Variants in FOXP1 observed in about 807,000 individuals in gnomAD.
The protein encoded by FOXP1 is forkhead box P1, also known as forkhead box protein P1.
A neutral mutation model predicts 98.2 loss-of-function variants in FOXP1; 15 were observed. The observed-to-expected ratio is 0.15, with a 90% CI of 0.10 to 0.24. FOXP1 has a LOEUF of 0.24. Among genes scored for constraint, FOXP1 ranks in the 10% least tolerant of loss-of-function variants. The pLI, the probability that FOXP1 is intolerant of heterozygous loss-of-function variation, is 1.00. For missense variants in FOXP1, 633 were observed against 848.5 expected, an observed-to-expected ratio of 0.75 and a Z score of 3.15; for synonymous variants, 371 against 314.5, an observed-to-expected ratio of 1.18 and a Z score of -1.90.
Position 71,580,928 on chromosome 3 carries a change from CT to C in FOXP1, c.-298+620del, listed in dbSNP as rs1386418742. The C allele has an allele frequency of 3.0e-6, 3 of 985,290 alleles. No homozygotes were observed. In the African/African-American group the frequency reaches 5.2e-5, roughly 17 times the overall value. The allele number at this position is 985,290 out of a possible 1,614,324, so 61.0% of individuals were successfully genotyped here. On this transcript the variant is annotated intron_variant, in intron 2 of 20. Coordinates refer to ENST00000649528, the MANE Select transcript of FOXP1 (RefSeq NM_001349338.3). ...GCAGTGACAAAAAAGAAAATGCTAA[CT>C]TGGAAAATACCTGTGAGCAGACATG... is the stretch of plus-strand genomic sequence containing the variant.
chr3:71,127,099 A>G (rs547188496), intron 6 of FOXP1, among the ~76,000 whole-genome samples: 16 of 152,244 alleles, frequency 1.1e-4, no homozygotes, highest in Admixed American at 9.8e-4. Context: ...CCTACTGTGG[A>G]GTTTTCTGGA....
At chr3:71,243,607 CA>C in intron 5 of FOXP1, among the ~76,000 whole-genome samples, 1 of 152,286 alleles carries the variant, frequency 6.6e-6, no homozygotes, top group Non-Finnish European at 1.5e-5. Context: ...ATCTATAAGC[CA>C]AAGAACTATT....
At chr3:71,153,149 C>T (rs370263679) in intron 6 of FOXP1, among the ~76,000 whole-genome samples, 73 of 152,268 alleles carry the variant, frequency 4.8e-4, no homozygotes, top group African/African-American at 1.6e-3. Context: ...GAGGGGTACC[C>T]GGCAATTGTG....
chr3:71,339,501 C>T (rs543445690), intron 4 of FOXP1, among the ~76,000 whole-genome samples: 1 of 152,344 alleles, frequency 6.6e-6, no homozygotes, highest in East Asian at 1.9e-4. Flanking sequence ...TTCAGCGTAT[C>T]AGTGTCTCAC....
intron 3 of FOXP1, among the ~76,000 whole-genome samples, chr3:71,367,552 T>G (rs1475238980): frequency 6.6e-6 from 1 of 152,110 alleles, no homozygotes; most frequent in East Asian, 1.9e-4. Context: ...TATCGAAGAT[T>G]AGATGAAGAT....
At chr3:71,177,714 A>G (rs1442900822) in intron 6 of FOXP1, among the ~76,000 whole-genome samples, 2 of 152,210 alleles carry the variant, frequency 1.3e-5, no homozygotes, top group African/African-American at 2.4e-5. Flanking sequence ...CTGTACTAAC[A>G]CAGGTACAGT....
intron 13 of FOXP1, among the ~76,000 whole-genome samples, chr3:70,991,270 G>A (rs915945236): frequency 6.6e-6 from 1 of 152,106 alleles, no homozygotes; most frequent in Non-Finnish European, 1.5e-5. Flanking sequence ...GGTTCTTACT[G>A]TATCTTCCCC....
chr3:71,545,187 C>T (rs1578118469), intron 2 of FOXP1, among the ~76,000 whole-genome samples: 2 of 152,010 alleles, frequency 1.3e-5, no homozygotes, highest in Non-Finnish European at 2.9e-5. Flanking sequence ...CATGGAAATA[C>T]CACTGGTCTG....
rs1172990450 is a variant in FOXP1, at chr3:70,958,636, A to G, written c.*611T>C. On this transcript the variant is annotated 3_prime_UTR_variant, in exon 21 of 21. Coordinates refer to ENST00000649528, the MANE Select transcript of FOXP1 (RefSeq NM_001349338.3). The stretch of plus-strand genomic sequence containing the variant: ...TTAAAATGGTATAGTAGAAGGAAAA[A>G]AAAAAAAAAAAAAAGCAATACATTA... 1 of 215,620 alleles carries G rather than the reference A, an allele frequency of 4.6e-6. No homozygotes were observed. The highest frequency in any genetic ancestry group is 9.2e-6 in the Non-Finnish European group (1 of 108,150). The allele number at this position is 215,620 out of a possible 1,614,324, so 13.4% of individuals were successfully genotyped here. A position where few individuals can be genotyped will look rare whatever the true frequency, so the allele number is the denominator to read the frequency against.
At chr3:71,041,060 A>G (rs1305513933) in intron 11 of FOXP1, among the ~76,000 whole-genome samples, 1 of 152,150 alleles carries the variant, frequency 6.6e-6, no homozygotes, top group African/African-American at 2.4e-5. Flanking sequence ...AAGCCTGGAA[A>G]TCCAACCCAT....
chr3:71,448,652 G>A (rs1350359372), intron 3 of FOXP1, among the ~76,000 whole-genome samples: 3 of 152,174 alleles, frequency 2.0e-5, no homozygotes, highest in Non-Finnish European at 4.4e-5. Context: ...AAAATGGGAC[G>A]CATTCAAGAA....
At chr3:70,980,692 T>C (rs1201890599) in intron 14 of FOXP1, among the ~76,000 whole-genome samples, 1 of 152,244 alleles carries the variant, frequency 6.6e-6, no homozygotes, top group East Asian at 1.9e-4. Flanking sequence ...GAGCATTTTA[T>C]CCCTGCTTAT....
intron 5 of FOXP1, among the ~76,000 whole-genome samples, chr3:71,237,418 G>T (rs183094610): frequency 6.6e-6 from 1 of 151,782 alleles, no homozygotes; most frequent in Non-Finnish European, 1.5e-5. Context: ...TCTTGATTGG[G>T]GCTAGCTAGC....
chr3:71,527,424 G>A (rs1026418484), intron 2 of FOXP1, among the ~76,000 whole-genome samples: 3 of 152,194 alleles, frequency 2.0e-5, no homozygotes, highest in African/African-American at 7.2e-5. Context: ...CCCAAGCTAA[G>A]TGACCCTCAC....
At chr3:71,179,195 C>A (rs35390588) in intron 6 of FOXP1, among the ~76,000 whole-genome samples, 1 of 146,980 alleles carries the variant, frequency 6.8e-6, no homozygotes, top group African/African-American at 2.6e-5. Flanking sequence ...GTAGCACAAC[C>A]TCAGCTCACT....
intron 5 of FOXP1, among the ~76,000 whole-genome samples, chr3:71,297,708 C>T (rs965454056): frequency 5.9e-5 from 9 of 151,502 alleles, no homozygotes; most frequent in African/African-American, 2.2e-4. Flanking sequence ...CTCTGCCTCC[C>T]GGGTTTAAGT....
chr3:70,988,797 C>T (rs1434854830), intron 13 of FOXP1, among the ~76,000 whole-genome samples: 1 of 152,224 alleles, frequency 6.6e-6, no homozygotes, highest in African/African-American at 2.4e-5. Flanking sequence ...TTCGCTTGGA[C>T]TGCTTTAACT....
At chr3:71,583,220 C>G (rs985580428) in intron 1 of FOXP1, among the ~76,000 whole-genome samples, 7 of 152,016 alleles carry the variant, frequency 4.6e-5, no homozygotes, top group Non-Finnish European at 8.8e-5. Context: ...CAGGCGATCT[C>G]GCCTCCTCAC....
At chr3:70,972,757 G>C (rs2107205504) in intron 17 of FOXP1, 81 bp from the exon 18 acceptor site, 1 of 1,423,336 alleles carries the variant, frequency 7.0e-7, no homozygotes, top group Non-Finnish European at 9.8e-7. Context: ...CAGCCTAACA[G>C]TCCACATTTG....
Sources: allele counts gnomAD v4.1 joint callset (sites outside exome capture counted in the v4.1 genomes callset), GRCh38; gene constraint gnomAD v4.1.1; transcripts MANE v1.5; gene names NCBI Gene and HGNC (gene_info 2026-07-23, HGNC 2026-07-21).